The following NAV3 variants were observed in gnomAD, a reference collection of about 807,000 sequenced individuals.
NAV3 encodes neuron navigator 3, also known as pore membrane and/or filament interacting like protein 1.
A neutral mutation model predicts 244.7 loss-of-function variants in NAV3; 87 were observed. The ratio of observed to expected loss-of-function variants is 0.36; its 90% CI spans 0.30 to 0.42. The LOEUF (loss-of-function observed/expected upper bound fraction) is 0.42. Among genes scored for constraint, NAV3 ranks in the 20% least tolerant of loss-of-function variants. NAV3 has a pLI of 1.00. For missense variants in NAV3, 2,663 were observed against 2,893.3 expected, an observed-to-expected ratio of 0.92 and a Z score of 1.83; for synonymous variants, 1,126 against 1,042.2, an observed-to-expected ratio of 1.08 and a Z score of -1.55.
At chr12:77,789,003 T>C (rs1871038536) in intron 2 of NAV3, among the ~76,000 whole-genome samples, 1 of 152,204 alleles carries the variant, frequency 6.6e-6, no homozygotes, top group Non-Finnish European at 1.5e-5. Flanking sequence ...CTCATAGTAA[T>C]TCATTAACAA....
intron 1 of NAV3, among the ~76,000 whole-genome samples, chr12:77,927,032 T>C (rs1032352646): frequency 2.0e-5 from 3 of 152,216 alleles, no homozygotes; most frequent in Admixed American, 2.0e-4. Flanking sequence ...CTGATTTTAC[T>C]TTGAATGTAC....
chr12:78,172,709 A>T (rs1958055619), intron 24 of NAV3, among the ~76,000 whole-genome samples: 1 of 151,614 alleles, frequency 6.6e-6, no homozygotes, highest in African/African-American at 2.4e-5. Flanking sequence ...GCGGAAAATA[A>T]ATTAGTTCCT....
intron 2 of NAV3, among the ~76,000 whole-genome samples, chr12:77,753,354 G>C (rs1346853493): frequency 6.6e-6 from 1 of 151,980 alleles, no homozygotes; most frequent in African/African-American, 2.4e-5. Flanking sequence ...CACAGTAAAT[G>C]TTCCCTTTAA....
chr12:77,998,569 G>T, intron 7 of NAV3, 93 bp downstream of exon 7: 4 of 1,368,358 alleles, frequency 2.9e-6, no homozygotes, highest in Non-Finnish European at 3.9e-6. Flanking sequence ...AACAACTTTG[G>T]GCCTAGAGAT....
intron 12 of NAV3, among the ~76,000 whole-genome samples, chr12:78,079,573 G>A (rs1039924207): frequency 1.4e-4 from 21 of 152,236 alleles, no homozygotes; most frequent in Admixed American, 1.0e-3. Flanking sequence ...ATATTATACA[G>A]TGTCAGTCAC....
chr12:77,969,184 G>C (rs1261188613), intron 5 of NAV3, among the ~76,000 whole-genome samples: 1 of 151,860 alleles, frequency 6.6e-6, no homozygotes, highest in African/African-American at 2.4e-5. Context: ...GAGTGTGTGT[G>C]TGTATGTGTG....
intron 2 of NAV3, among the ~76,000 whole-genome samples, chr12:77,718,028 C>T (rs541715058): frequency 6.6e-6 from 1 of 152,208 alleles, no homozygotes; most frequent in Admixed American, 6.5e-5. Flanking sequence ...CCACAGTTTG[C>T]CTTTTTACTC....
At position 77,732,482 on chromosome 12, in the gene NAV3, A is replaced by C. The variant is rs556637536; in HGVS notation, c.72+160216A>C. On this transcript the variant is annotated intron_variant, in intron 2 of 8. Transcript: ENST00000550042. ...GAGCTGCTTAATTTTTTTGTGAAAC[A>C]CTCCCAAAAACAGATAGAATTAAGT... 2.0e-5 allele frequency among the ~76,000 whole-genome samples: 3 copies of C among 151,892 alleles called. No homozygotes were observed. In the South Asian group the frequency reaches 6.2e-4, roughly 32 times the overall value.
intron 34 of NAV3, among the ~76,000 whole-genome samples, chr12:78,195,420 C>T (rs918574266): frequency 6.6e-6 from 1 of 151,614 alleles, no homozygotes; most frequent in Non-Finnish European, 1.5e-5. Context: ...TTTCTGTGAA[C>T]CTTAAGTCTG....
At chr12:77,989,436 T>C (rs1048856747) in intron 5 of NAV3, among the ~76,000 whole-genome samples, 45 of 152,278 alleles carry the variant, frequency 3.0e-4, no homozygotes, top group African/African-American at 1.1e-3. Context: ...CTATGGAAGC[T>C]AAAGAGCTAG....
At chr12:77,824,894 AAACAACAACAACAACAAC>A (rs149054152) in intron 2 of NAV3, among the ~76,000 whole-genome samples, 19,116 of 150,446 alleles carry the variant, frequency 0.13, 1,411 homozygotes, top group East Asian at 0.3. Flanking sequence ...TCCGTCTCAA[AAACAACAACAACAACAAC>A]AACAACAACA....
intron 22 of NAV3, 68 bp from the exon 23 acceptor site, chr12:78,159,135 T>C: frequency 1.5e-6 from 2 of 1,341,326 alleles, no homozygotes; most frequent in Non-Finnish European, 2.1e-6. Context: ...TTTTGTAAAA[T>C]GAAGGCTTTT....
chr12:77,645,499 G>T (rs1030238162), intron 2 of NAV3, among the ~76,000 whole-genome samples: 2 of 143,364 alleles, frequency 1.4e-5, no homozygotes, highest in African/African-American at 5.3e-5. Flanking sequence ...AGCATTTAAG[G>T]GCTTTCTTGG....
intron 11 of NAV3, among the ~76,000 whole-genome samples, chr12:78,056,009 A>G (rs747772508): frequency 3.3e-5 from 5 of 152,276 alleles, no homozygotes; most frequent in Admixed American, 1.3e-4. Context: ...AAAGTCTTGG[A>G]TAGTCTCACA....
At chr12:77,873,744 G>GTGTATGTATATATATATATA (rs776225440) in intron 1 of NAV3, among the ~76,000 whole-genome samples, 2 of 73,182 alleles carry the variant, frequency 2.7e-5, no homozygotes, top group African/African-American at 9.0e-5. Context: ...ATGTGTGTGT[G>GTGTATGTATATATATATATA]TATATATATA....
chr12:77,808,607 A>G (rs578216845), intron 2 of NAV3, among the ~76,000 whole-genome samples: 1 of 152,290 alleles, frequency 6.6e-6, no homozygotes, highest in Non-Finnish European at 1.5e-5. Flanking sequence ...TGAGGTGTCT[A>G]TCGACCCCTG....
chr12:78,047,104 T>C (rs1881938180), intron 9 of NAV3, among the ~76,000 whole-genome samples: 1 of 152,188 alleles, frequency 6.6e-6, no homozygotes, highest in African/African-American at 2.4e-5. Flanking sequence ...CTCCATCCCT[T>C]TATTTTGAGC....
At chr12:77,829,853 G>A (rs1592721845), upstream of NAV3, among the ~76,000 whole-genome samples, 1 of 152,288 alleles carries the variant, frequency 6.6e-6, no homozygotes, top group African/African-American at 2.4e-5. Flanking sequence ...GTAGGCCAAA[G>A]ATGACCATTT....
intron 2 of NAV3, among the ~76,000 whole-genome samples, chr12:77,748,614 T>A (rs1047103798): frequency 5.9e-5 from 9 of 152,182 alleles, no homozygotes; most frequent in African/African-American, 2.2e-4. Flanking sequence ...GAGGACATGA[T>A]GCTAAGTGAA....
Sources: allele counts gnomAD v4.1 joint callset (sites outside exome capture counted in the v4.1 genomes callset), GRCh38; gene constraint gnomAD v4.1.1; transcripts MANE v1.5; gene names NCBI Gene and HGNC (gene_info 2026-07-23, HGNC 2026-07-21).